RASIP1: variants seen among roughly 807,000 people sequenced by gnomAD.
RASIP1 encodes the protein Ras interacting protein 1.
In RASIP1, 20 loss-of-function variants were observed where a neutral mutation model predicts 85.3. The observed-to-expected ratio is 0.23, with a 90% CI of 0.17 to 0.34. The LOEUF is 0.34. Ranked by LOEUF, RASIP1 falls within the 10% of genes least tolerant of loss-of-function variation. The probability of loss-of-function intolerance (pLI) is 1.00; values close to 1 mark genes in which losing one functional copy is unlikely to be tolerated. For synonymous variants in RASIP1, 617 were observed against 647.1 expected (o/e 0.95, Z 0.71); for missense variants, 1,170 against 1,390.9 (o/e 0.84, Z 2.53).
Position 48,729,534 on chromosome 19 carries a change from G to C in RASIP1, c.1236C>G (p.Asn412Lys), listed in dbSNP as rs1166964290. The change falls in exon 5 of 12, where the codon AAC (asparagine) becomes AAG (lysine). Residue 412 changes from asparagine to lysine, a missense_variant. Asn to Lys is a moderately conservative substitution (Grantham distance 94). Coordinates refer to ENST00000222145, the MANE Select transcript of RASIP1 (RefSeq NM_017805.3). ...REQHVFGRGGNSSGRGGSPAP... is the reference protein window; with the variant it reads ...REQHVFGRGGKSSGRGGSPAP... The stretch of plus-strand genomic sequence containing the variant: ...CCGGGGACCCCCCGCGGCCAGACGA[G>C]TTCCCACCTCGCCCAAACACGTGCT... The C allele has an allele frequency of 6.2e-7, 1 of 1,602,038 alleles. No individual in the cohort carries two copies. The highest frequency in any genetic ancestry group is 8.5e-7 in the Non-Finnish European group (1 of 1,174,786).
Position 48,720,822 on chromosome 19 carries a change from C to T in RASIP1, c.2868G>A (p.Gly956=). The T allele has an allele frequency of 6.2e-7, 1 of 1,613,954 alleles. No homozygotes were observed. Among genetic ancestry groups the T allele is most frequent in the East Asian group, 2.2e-5 (1 of 44,886 alleles). The part of the protein sequence containing the change: ...QQELPANYRH[G]PPVATSP ...CTCAAGGAGACGTGGCCACGGGAGG[C>T]CCATGGCGATAATTGGCTGGCAGCT... Residue 956 remains glycine, a synonymous_variant, in exon 12 of 12, where the codon GGG becomes GGA. Transcript: ENST00000222145.
rs543619161 is a variant in RASIP1 at position 48,724,310 on chromosome 19, G to A, written c.2544+27C>T. ...GGGGGTTGAGGAGTCAGAGGTCAGG[G>A]GTCAGGTATAGCTGACCAGGAGTCA... On this transcript the variant is annotated intron_variant, in intron 10 of 11. Transcript: ENST00000222145. The surrounding 1 kb of genome is among the most constrained non-coding windows in gnomAD (Gnocchi z 4.6). 9 of 1,603,522 alleles carry A rather than the reference G, an allele frequency of 5.6e-6. No individual in the cohort carries two copies. The highest frequency in any genetic ancestry group is 2.7e-5 in the African/African-American group (2 of 74,700).
At position 48,737,826 on chromosome 19, in the gene RASIP1, C is replaced by G. The variant is rs1381533798; in HGVS notation, c.823+1134G>C. On this transcript the variant is annotated intron_variant, in intron 3 of 11. Coordinates refer to ENST00000222145, the MANE Select transcript of RASIP1 (RefSeq NM_017805.3). ...CCCCGCCCCACCACAGGCCCCGCCC[C>G]ACAACATGCCCCGCCCATCTGCTCT... 6.1e-6 allele frequency: 6 copies of G among 984,862 alleles called. No individual in the cohort carries two copies. In the Admixed American group the frequency reaches 2.5e-4, roughly 40 times the overall value. The allele number at this position is 984,862 out of a possible 1,614,324, so 61.0% of individuals were successfully genotyped here.
intron 5 of RASIP1, among the ~76,000 whole-genome samples, chr19:48,727,788 G>A (rs1190551281): frequency 6.7e-6 from 1 of 150,192 alleles, no homozygotes; most frequent in African/African-American, 2.4e-5. Context: ...CCAGGTTCAA[G>A]TGATTCTCCT....
Position 48,735,467 on chromosome 19 carries a change from C to T in RASIP1, c.908G>A (p.Gly303Glu), listed in dbSNP as rs1353761299. 2 of 1,582,312 alleles carry T rather than the reference C, an allele frequency of 1.3e-6. No individual in the cohort carries two copies. The highest frequency in any genetic ancestry group is 2.3e-5 in the East Asian group (1 of 43,162). ...CCCAGCTGGGGCCCCTGATCCGGTC[C>T]CCGGGCCAGGACTGGCCAGCGCTGC... is the stretch of plus-strand genomic sequence containing the variant. ...GGAALASPGPGTGSGAPAGSG... is the reference protein window; with the variant it reads ...GGAALASPGPETGSGAPAGSG... Residue 303 changes from glycine to glutamate, a missense_variant, in exon 4 of 12, where the codon GGG becomes GAG. Physicochemically the swap from Gly to Glu is moderately conservative, Grantham distance 98. Around this residue, in one of 4 missense-constraint regions of RASIP1, gnomAD observed 301 missense variants for 294.8 expected, o/e 1.02. Transcript: ENST00000222145.
rs1362003057 is a variant in RASIP1 at position 48,729,303 on chromosome 19, G to A, written c.1467C>T (p.Asp489=). 19 of 1,556,076 alleles carry A rather than the reference G, an allele frequency of 1.2e-5. No individual in the cohort carries two copies. The highest frequency in any genetic ancestry group is 1.7e-5 in the Non-Finnish European group (19 of 1,150,666). Reference sequence around the variant, plus strand: ...CAGGCCCCGAGCCCCCAGTGCGGGGGTCCTTGTACATGAACAGGAAGTGCT... The same window carrying A: ...CAGGCCCCGAGCCCCCAGTGCGGGGATCCTTGTACATGAACAGGAAGTGCT... ...LGEHFLFMYK[D]PRTGGSGPAR... Residue 489 remains aspartate, a synonymous_variant, in exon 5 of 12, where the codon GAC becomes GAT. Transcript: ENST00000222145.
intron 6 of RASIP1, 51 bp downstream of exon 6, chr19:48,727,342 A>G (rs1162164542): frequency 6.2e-7 from 1 of 1,600,182 alleles, no homozygotes; most frequent in African/African-American, 1.3e-5. Context: ...ACTAGACGCA[A>G]AACCCAACCC....
chr19:48,740,565 C>T lies in RASIP1; in HGVS notation c.-49G>A. 1 of 1,389,842 alleles carries T rather than the reference C, an allele frequency of 7.2e-7. No homozygotes were observed. The highest frequency in any genetic ancestry group is 3.2e-5 in the Admixed American group (1 of 31,310). The allele number at this position is 1,389,842 out of a possible 1,614,324, so 86.1% of individuals were successfully genotyped here. On this transcript the variant is annotated 5_prime_UTR_variant, in exon 1 of 12. Coordinates refer to ENST00000222145, the MANE Select transcript of RASIP1 (RefSeq NM_017805.3). The surrounding 1 kb of genome is among the most constrained non-coding windows in gnomAD (Gnocchi z 5.5). ...ACCCGGAGGCCCTGGCTCCACTGGC[C>T]TGGGTCAGTTCCACTGCTCTTGCCT...
Position 48,728,956 on chromosome 19 carries a change from A to G in RASIP1, c.1814T>C (p.Leu605Pro). Residue 605 changes from leucine (L) to proline (P), a missense_variant, in exon 5 of 12, where the codon CTC becomes CCC. Transcript: ENST00000222145. Reference sequence around the variant, plus strand: ...GCTCACCCAGACGGCCTCCTTGATGAGCCGGGCCAGGCGGCCCAGCAGTCG... The same window carrying G: ...GCTCACCCAGACGGCCTCCTTGATGGGCCGGGCCAGGCGGCCCAGCAGTCG... ...LPRLLGRLAR[L>P]IKEAVWEKIK... 1 of 1,455,952 alleles carries G rather than the reference A, an allele frequency of 6.9e-7. No individual in the cohort carries two copies. The highest frequency in any genetic ancestry group is 9.0e-7 in the Non-Finnish European group (1 of 1,113,904). The allele number at this position is 1,455,952 out of a possible 1,614,324, so 90.2% of individuals were successfully genotyped here.
Position 48,733,923 on chromosome 19 carries a change from C to T in RASIP1, c.1179+1273G>A, listed in dbSNP as rs1690471199. On this transcript the variant is annotated intron_variant, in intron 4 of 11. Transcript: ENST00000222145. ...TCCCTGCCCTAGAAGGTGGACTCCC[C>T]TGTTACTCCCTCTCAAGAAATAGAT... Among the ~76,000 whole-genome samples the T allele has an allele frequency of 2.0e-5, 3 of 152,252 alleles. No homozygotes were observed. In the South Asian group the frequency reaches 6.2e-4, roughly 32 times the overall value.
intron 4 of RASIP1, among the ~76,000 whole-genome samples, chr19:48,731,368 G>A (rs950058069): frequency 1.3e-5 from 2 of 151,078 alleles, no homozygotes; most frequent in South Asian, 2.1e-4. Context: ...TCCCCCAACG[G>A]AGGATTTCAA....
At chr19:48,728,820 C>A in intron 5 of RASIP1, 117 bp downstream of exon 5, 1 of 1,109,582 alleles carries the variant, frequency 9.0e-7, no homozygotes, top group Non-Finnish European at 1.2e-6. Flanking sequence ...CTTCCCGAGG[C>A]GTCATGGGAA....
rs140448910 is a variant in RASIP1, at chr19:48,726,124, AC to A, written c.2127+660del. On this transcript the variant is annotated intron_variant, in intron 8 of 11. Transcript: ENST00000222145. ...GTATTTTTAGTAGAGACGGGGTTTT[AC>A]CATGTTGGTCAGTCTGGTCTCAAAC... Among the ~76,000 whole-genome samples the A allele has an allele frequency of 5.7e-4, 86 of 152,110 alleles. No individual in the cohort carries two copies. The Middle Eastern group carries it at 0.02, about 36-fold the overall frequency.
Position 48,726,793 on chromosome 19 carries a change from G to C in RASIP1, c.2119C>G (p.Leu707Val). Residue 707 changes from leucine to valine, a missense_variant, in exon 8 of 12, where the codon CTC becomes GTC. By Grantham distance (32) the Leu-to-Val change is conservative. Coordinates refer to ENST00000222145, the MANE Select transcript of RASIP1 (RefSeq NM_017805.3). ...MCTFQQSVYYLTKTLYSTLPA... is the reference protein window; with the variant it reads ...MCTFQQSVYYVTKTLYSTLPA... ...AAGAGGCAAGGGCCAACCTTGGTGA[G>C]GTAGTAGACAGACTGCTGGAAGGTA... 6.2e-7 allele frequency: 1 copy of C among 1,609,378 alleles called. No homozygotes were observed. Among genetic ancestry groups the C allele is most frequent in the Non-Finnish European group, 8.5e-7 (1 of 1,177,984 alleles).
In RASIP1 at chr19:48,724,720, G is replaced by C; in HGVS notation, c.2368C>G (p.Arg790Gly). The C allele has an allele frequency of 6.2e-7, 1 of 1,614,104 alleles. No individual in the cohort carries two copies. The highest frequency in any genetic ancestry group is 1.1e-5 in the South Asian group (1 of 91,082). ...ACAGCTCCCAGCCAACCTTCACCTCGTTCCATCAGCGAGTTGAGAAGGGAT... is the reference window on the plus strand; with the variant it reads ...ACAGCTCCCAGCCAACCTTCACCTCCTTCCATCAGCGAGTTGAGAAGGGAT... Reference protein sequence around the residue: ...NASLLNSLMERGQGRPFYQWS... With the variant: ...NASLLNSLMEGGQGRPFYQWS... Residue 790 changes from arginine (R) to glycine (G), a missense_variant, in exon 9 of 12, where the codon CGA becomes GGA. By Grantham distance (125) the Arg-to-Gly change is moderately radical. Coordinates refer to ENST00000222145, the MANE Select transcript of RASIP1 (RefSeq NM_017805.3). This position sits in a 1 kb window ranked among gnomAD's most constrained non-coding sequence, Gnocchi z 4.6.
chr19:48,735,424 G>A lies in RASIP1; in HGVS notation c.951C>T (p.Arg317=), dbSNP rs773982566. ...TGCGCCGCAAAGACAAGTTTTCTGA[G>A]CGCTCCTTGCCTCCAGACCCAGCTG... ...GAPAGSGGKE[R]SENLSLRRSV... The change falls in exon 4 of 12, where the codon CGC becomes CGT. Residue 317 remains arginine (R), a synonymous_variant. Coordinates refer to ENST00000222145, the MANE Select transcript of RASIP1 (RefSeq NM_017805.3). 1 of 1,609,974 alleles carries A rather than the reference G, an allele frequency of 6.2e-7. No homozygotes were observed. The highest frequency in any genetic ancestry group is 8.5e-7 in the Non-Finnish European group (1 of 1,178,620).
intron 11 of RASIP1, among the ~76,000 whole-genome samples, chr19:48,721,626 C>T (rs914058029): frequency 1.3e-5 from 2 of 152,082 alleles, no homozygotes; most frequent in Non-Finnish European, 2.9e-5. Flanking sequence ...CACGGTGAAA[C>T]CCCCGTCTCT....
chr19:48,727,398 T>A lies in RASIP1; in HGVS notation c.1866A>T (p.Pro622=). Residue 622 remains proline, a synonymous_variant, in exon 6 of 12, where the codon CCA becomes CCT. Coordinates refer to ENST00000222145, the MANE Select transcript of RASIP1 (RefSeq NM_017805.3). The part of the protein sequence containing the change: ...EKIKEIGDRQ[P]ENHPEGVPEV... ...CTGCTCAGAATTTCTCTTACTTTTCTGGCTGACGGTCTCCAATTTCCTTAA... is the reference window on the plus strand; with the variant it reads ...CTGCTCAGAATTTCTCTTACTTTTCAGGCTGACGGTCTCCAATTTCCTTAA... 6.2e-7 allele frequency: 1 copy of A among 1,614,066 alleles called. No individual in the cohort carries two copies. Among genetic ancestry groups the A allele is most frequent in the Non-Finnish European group, 8.5e-7 (1 of 1,179,902 alleles).
Position 48,729,196 on chromosome 19 carries a change from C to T in RASIP1, c.1574G>A (p.Arg525His), listed in dbSNP as rs2033400141. The part of the protein sequence containing the change: ...GWAFSCRLCG[R>H]GLQERGEALA... ...TGCCTCGCCGCGCTCCTGCAGGCCG[C>T]GGCCGCACAGGCGACAGGAGAAGGC... Residue 525 changes from arginine to histidine, a missense_variant, in exon 5 of 12, where the codon CGC becomes CAC. Arg to His is a conservative substitution (Grantham distance 29, BLOSUM62 0). Transcript: ENST00000222145. 4.6e-6 allele frequency: 6 copies of T among 1,304,842 alleles called. No individual in the cohort carries two copies. The highest frequency in any genetic ancestry group is 1.9e-5 in the South Asian group (1 of 51,326). The allele number at this position is 1,304,842 out of a possible 1,614,324, so 80.8% of individuals were successfully genotyped here.
Sources: allele counts gnomAD v4.1 joint callset (sites outside exome capture counted in the v4.1 genomes callset), GRCh38; gene constraint gnomAD v4.1.1; regional missense constraint gnomAD v4.1.1; non-coding constraint Gnocchi (gnomAD v3.1); transcripts MANE v1.5; gene names NCBI Gene and HGNC (gene_info 2026-07-23, HGNC 2026-07-21).